Variants in NTN4 observed in about 807,000 individuals in gnomAD.
NTN4 encodes netrin 4.
NTN4 carries 32 observed loss-of-function variants against 73.6 expected under a neutral mutation model. That is an observed-to-expected ratio of 0.44 (90% CI 0.33 to 0.58). The LOEUF (loss-of-function observed/expected upper bound fraction) is 0.58. NTN4 is among the 20% of genes least tolerant of loss of function. NTN4 has a pLI of 0.04. For missense variants in NTN4, 654 were observed against 798.3 expected, an observed-to-expected ratio of 0.82 and a Z score of 2.18; for synonymous variants, 258 against 287.5, an observed-to-expected ratio of 0.90 and a Z score of 1.04.
intron 3 of NTN4, among the ~76,000 whole-genome samples, chr12:95,718,202 T>G (rs537774512): frequency 2.0e-5 from 3 of 152,302 alleles, no homozygotes; most frequent in African/African-American, 7.2e-5. Flanking sequence ...AGAATTTAGG[T>G]CAGGGGGAGG....
chr12:95,744,348 A>G (rs1287998625), intron 2 of NTN4, among the ~76,000 whole-genome samples: 1 of 152,158 alleles, frequency 6.6e-6, no homozygotes, highest in Non-Finnish European at 1.5e-5. Context: ...TTAGTAGGGT[A>G]TATCTTTTTT....
chr12:95,703,751 A>G (rs1463269729), intron 5 of NTN4, among the ~76,000 whole-genome samples: 1 of 152,132 alleles, frequency 6.6e-6, no homozygotes, highest in East Asian at 1.9e-4. Context: ...TTCTCAGTAA[A>G]CCTCTACATA....
At chr12:95,666,124 T>A in intron 8 of NTN4, 144 bp from the exon 9 acceptor site, 1 of 640,160 alleles carries the variant, frequency 1.6e-6, no homozygotes, top group Non-Finnish European at 2.6e-6. Context: ...CATTAGGCAT[T>A]AACTTGGATG....
intron 5 of NTN4, 48 bp downstream of exon 5, chr12:95,710,393 A>C: frequency 6.7e-7 from 1 of 1,482,146 alleles, no homozygotes; most frequent in Non-Finnish European, 9.3e-7. Context: ...AAAGAGATTC[A>C]TCTCTTGTAC....
In NTN4 at chr12:95,658,937, A is replaced by C; in HGVS notation, c.*149T>G. On this transcript the variant is annotated 3_prime_UTR_variant, in exon 10 of 10. Transcript: ENST00000343702. ...AACTGTATTTAAACATGGGTCCAGAAGAGATAAGTTAGATAAGACCCATGC... is the reference window on the plus strand; with the variant it reads ...AACTGTATTTAAACATGGGTCCAGACGAGATAAGTTAGATAAGACCCATGC... The C allele has an allele frequency of 5.8e-5, 38 of 652,784 alleles. No homozygotes were observed. Among genetic ancestry groups the C allele is most frequent in the East Asian group, 1.1e-4 (4 of 37,634 alleles). 40.4% of individuals were successfully genotyped at this position (652,784 alleles called of 1,614,324 possible).
At chr12:95,669,309 A>T (rs1296032791) in intron 8 of NTN4, among the ~76,000 whole-genome samples, 5 of 152,166 alleles carry the variant, frequency 3.3e-5, no homozygotes, top group African/African-American at 1.2e-4. Context: ...GAAGATAGTA[A>T]CAGTCTTTAC....
intron 7 of NTN4, among the ~76,000 whole-genome samples, chr12:95,676,750 T>G (rs796927417): frequency 2.0e-5 from 3 of 150,670 alleles, no homozygotes; most frequent in African/African-American, 4.9e-5. Context: ...AAAGAAAAAT[T>G]AAATAGGTTG....
intron 7 of NTN4, among the ~76,000 whole-genome samples, chr12:95,674,473 GAAGAA>G (rs1015002325): frequency 1.7e-4 from 26 of 152,120 alleles, no homozygotes; most frequent in African/African-American, 6.3e-4. Flanking sequence ...ATCTGGAAGG[GAAGAA>G]AAGCTTGTTT....
intron 8 of NTN4, among the ~76,000 whole-genome samples, chr12:95,667,294 A>C (rs2078188807): frequency 6.6e-6 from 1 of 151,620 alleles, no homozygotes; most frequent in Non-Finnish European, 1.5e-5. Flanking sequence ...GGTTCAAGCA[A>C]TTCTTCCTGC....
intron 2 of NTN4, among the ~76,000 whole-genome samples, chr12:95,751,653 G>A (rs1291218567): frequency 3.3e-5 from 5 of 152,064 alleles, no homozygotes; most frequent in East Asian, 1.9e-4. Flanking sequence ...GCTGAAGACC[G>A]ACACTGCCCG....
At chr12:95,667,896 C>T (rs974037708) in intron 8 of NTN4, among the ~76,000 whole-genome samples, 2 of 127,786 alleles carry the variant, frequency 1.6e-5, no homozygotes, top group South Asian at 5.1e-4. Flanking sequence ...ATAAATAAAA[C>T]AAATAAATAA....
At chr12:95,690,490 T>C (rs145245689) in intron 5 of NTN4, among the ~76,000 whole-genome samples, 99 of 152,346 alleles carry the variant, frequency 6.5e-4, no homozygotes, top group Middle Eastern at 3.4e-3. Context: ...AAGCACTGTC[T>C]CTACATTAAA....
chr12:95,745,836 T>C (rs182087368), intron 2 of NTN4, among the ~76,000 whole-genome samples: 1 of 151,552 alleles, frequency 6.6e-6, no homozygotes, highest in Non-Finnish European at 1.5e-5. Context: ...CATTTTGTTA[T>C]GTGGGACCAA....
intron 3 of NTN4, among the ~76,000 whole-genome samples, chr12:95,724,275 A>G (rs1157003882): frequency 3.9e-5 from 6 of 152,230 alleles, no homozygotes; most frequent in Admixed American, 3.9e-4. Context: ...TTTAGATAAG[A>G]TCATACTGTT....
At chr12:95,745,899 C>T (rs77174369) in intron 2 of NTN4, among the ~76,000 whole-genome samples, 10,765 of 152,228 alleles carry the variant, frequency 0.071, 523 homozygotes, top group Non-Finnish European at 0.1. Flanking sequence ...TGATACTCTT[C>T]GAATTACTCT....
chr12:95,712,824 GAT>G (rs1304621016), intron 4 of NTN4, among the ~76,000 whole-genome samples: 1 of 127,440 alleles, frequency 7.8e-6, no homozygotes, highest in Non-Finnish European at 1.6e-5. Flanking sequence ...TTTTAGTAGA[GAT>G]GGGATTTCAC....
At chr12:95,669,124 C>A (rs1025008613) in intron 8 of NTN4, among the ~76,000 whole-genome samples, 2 of 151,442 alleles carry the variant, frequency 1.3e-5, no homozygotes, top group East Asian at 3.9e-4. Flanking sequence ...ATGAGAATCG[C>A]TTGAACCCAG....
intron 5 of NTN4, among the ~76,000 whole-genome samples, chr12:95,700,186 A>C (rs2078474037): frequency 7.1e-6 from 1 of 139,972 alleles, no homozygotes; most frequent in Non-Finnish European, 1.5e-5. Context: ...GCAGCCTCAA[A>C]CTCCTGGGCA....
intron 7 of NTN4, among the ~76,000 whole-genome samples, chr12:95,674,317 TA>T (rs781280692): frequency 3.7e-4 from 56 of 152,234 alleles, no homozygotes; most frequent in Admixed American, 9.2e-4. Context: ...CTTTTCTCTT[TA>T]ACCCTTCAGC....
Sources: allele counts gnomAD v4.1 joint callset (sites outside exome capture counted in the v4.1 genomes callset), GRCh38; gene constraint gnomAD v4.1.1; transcripts MANE v1.5; gene names NCBI Gene and HGNC (gene_info 2026-07-23, HGNC 2026-07-21).